The following TRAP1 variants were observed in gnomAD, a reference collection of about 807,000 sequenced individuals.
The protein encoded by TRAP1 is TNF receptor associated protein 1.
In TRAP1, 102 loss-of-function variants were observed where a neutral mutation model predicts 89.1. That is an observed-to-expected ratio of 1.15 (90% CI 0.98 to 1.35). The LOEUF (loss-of-function observed/expected upper bound fraction) is 1.35, where lower values mean the gene tolerates loss of function less well. Ranked by LOEUF, TRAP1 falls within the 40% of genes most tolerant of loss-of-function variation. The pLI is 0.00. For synonymous variants in TRAP1, 508 were observed against 388.0 expected (o/e 1.31, Z -3.64); for missense variants, 1,256 against 945.3 (o/e 1.33, Z -4.31).
intron 1 of TRAP1, among the ~76,000 whole-genome samples, chr16:3,695,535 C>T (rs188863183): frequency 4.0e-5 from 4 of 99,502 alleles, no homozygotes; most frequent in Admixed American, 1.3e-4. Context: ...GACTCTGTCT[C>T]GAAAAAAAAA....
intron 1 of TRAP1, among the ~76,000 whole-genome samples, chr16:3,698,766 G>A (rs759602915): frequency 4.6e-5 from 7 of 152,022 alleles, no homozygotes; most frequent in African/African-American, 7.2e-5. Context: ...AGGTGTGGTG[G>A]TGCATGCCTG....
Position 3,671,802 on chromosome 16 carries a change from C to G in TRAP1, c.1166-11G>C, listed in dbSNP as rs201886607. On this transcript the variant is annotated splice_polypyrimidine_tract_variant and intron_variant, in intron 10 of 17. Transcript: ENST00000246957. ...CACTGTCCACCACACCTGGGAGACA[C>G]GGCAGTCAGCTTCTCCCGGGGCTGC... is the stretch of plus-strand genomic sequence containing the variant. The G allele has an allele frequency of 2.5e-4, 394 of 1,600,376 alleles. 2 individuals carry two copies. The highest frequency in any genetic ancestry group is 9.9e-4 in the Middle Eastern group (6 of 6,076).
intron 11 of TRAP1, among the ~76,000 whole-genome samples, chr16:3,670,411 A>AAAAAAAAAAC (rs2050897453): frequency 6.9e-6 from 1 of 144,328 alleles, no homozygotes; most frequent in African/African-American, 2.6e-5. Context: ...AAAAAAAAAA[A>AAAAAAAAAAC]TCTAAGTGGC....
chr16:3,709,095 G>A (rs1367112600), intron 1 of TRAP1, among the ~76,000 whole-genome samples: 3 of 151,576 alleles, frequency 2.0e-5, no homozygotes, highest in Admixed American at 6.6e-5. Context: ...GATTACAGGC[G>A]TGAGCCACCG....
At chr16:3,661,684 A>AAAAC in intron 16 of TRAP1, 4 of 332,068 alleles carry the variant, frequency 1.2e-5, no homozygotes, top group Non-Finnish European at 1.1e-5. Context: ...TACAAAGCTC[A>AAAAC]AAACAGGCAA....
chr16:3,704,845 T>C (rs2151280619), intron 1 of TRAP1, among the ~76,000 whole-genome samples: 1 of 151,380 alleles, frequency 6.6e-6, no homozygotes, highest in East Asian at 1.9e-4. Flanking sequence ...AAGACCAACC[T>C]CTTATTTTTT....
intron 9 of TRAP1, among the ~76,000 whole-genome samples, chr16:3,673,472 C>A (rs949463877): frequency 5.3e-5 from 8 of 152,236 alleles, no homozygotes; most frequent in Non-Finnish European, 1.2e-4. Context: ...CACACCTCAT[C>A]ACGGGATCTG....
At chr16:3,714,166 G>C (rs781363792) in intron 1 of TRAP1, among the ~76,000 whole-genome samples, 1 of 152,168 alleles carries the variant, frequency 6.6e-6, no homozygotes, top group Non-Finnish European at 1.5e-5. Flanking sequence ...AGCAGCTCTT[G>C]TTTCTCTAAT....
At chr16:3,716,226 A>G (rs951498779) in intron 1 of TRAP1, among the ~76,000 whole-genome samples, 1 of 152,236 alleles carries the variant, frequency 6.6e-6, no homozygotes, top group African/African-American at 2.4e-5. Flanking sequence ...CCTTTGGAAT[A>G]GGCAGTCTTG....
rs141445603 is a variant in TRAP1 at position 3,700,552 on chromosome 16, C to T, written c.89-9567G>A. Among the ~76,000 whole-genome samples, 458 of 152,148 alleles carry T rather than the reference C, an allele frequency of 3.0e-3. 4 individuals are homozygous for T. Among genetic ancestry groups the T allele is most frequent in the Non-Finnish European group, 5.0e-3 (343 of 68,002 alleles). ...CACAATCTCGGCTCACTGCAAACTC[C>T]GCCTCCCAGTTCAAGCCATTCTCGG... On this transcript the variant is annotated intron_variant, in intron 1 of 17. Coordinates refer to ENST00000246957, the MANE Select transcript of TRAP1 (RefSeq NM_016292.3).
At chr16:3,709,793 G>A (rs139967131) in intron 1 of TRAP1, among the ~76,000 whole-genome samples, 1,991 of 152,258 alleles carry the variant, frequency 0.013, 40 homozygotes, top group African/African-American at 0.046. Flanking sequence ...TGGGATTACA[G>A]GCATGCGCCA....
chr16:3,687,257 T>G (rs2051150229), intron 3 of TRAP1: 2 of 142,660 alleles, frequency 1.4e-5, no homozygotes, highest in South Asian at 4.2e-4. Context: ...TCTTGCTCAT[T>G]CTCTCTTTGC....
chr16:3,695,196 T>G (rs116005864), intron 1 of TRAP1, among the ~76,000 whole-genome samples: 310 of 152,244 alleles, frequency 2.0e-3, no homozygotes, highest in African/African-American at 7.2e-3. Context: ...TACTGAGAGC[T>G]GGGACTTCAA....
At chr16:3,688,173 T>G (rs1005372345) in intron 3 of TRAP1, among the ~76,000 whole-genome samples, 7 of 144,248 alleles carry the variant, frequency 4.9e-5, no homozygotes, top group African/African-American at 2.0e-4. Context: ...TTTTGCGGGG[T>G]TTTTTTTAAT....
intron 1 of TRAP1, among the ~76,000 whole-genome samples, chr16:3,705,877 G>A (rs1596751904): frequency 6.6e-6 from 1 of 151,538 alleles, no homozygotes; most frequent in East Asian, 1.9e-4. Flanking sequence ...TTTTTTAGTA[G>A]AGACGGGGTT....
At chr16:3,669,171 C>G (rs566119989) in intron 11 of TRAP1, among the ~76,000 whole-genome samples, 1 of 152,350 alleles carries the variant, frequency 6.6e-6, no homozygotes, top group East Asian at 1.9e-4. Flanking sequence ...CCCAAGCCCT[C>G]TCTTCACTGA....
At chr16:3,671,512 G>A (rs2050912279) in intron 11 of TRAP1, among the ~76,000 whole-genome samples, 1 of 151,996 alleles carries the variant, frequency 6.6e-6, no homozygotes, top group Non-Finnish European at 1.5e-5. Context: ...CCTCAGCCAT[G>A]ACCAGCCACC....
At chr16:3,701,254 T>G (rs2151277787) in intron 1 of TRAP1, among the ~76,000 whole-genome samples, 1 of 152,212 alleles carries the variant, frequency 6.6e-6, no homozygotes. Flanking sequence ...GAAAATGTAA[T>G]CACAAGTGTG....
intron 1 of TRAP1, among the ~76,000 whole-genome samples, chr16:3,709,822 G>C (rs1376000099): frequency 1.3e-5 from 2 of 152,088 alleles, no homozygotes; most frequent in Non-Finnish European, 2.9e-5. Flanking sequence ...GGCTAGTTTT[G>C]TATTTTTCGT....
Sources: allele counts gnomAD v4.1 joint callset (sites outside exome capture counted in the v4.1 genomes callset), GRCh38; gene constraint gnomAD v4.1.1; transcripts MANE v1.5; gene names NCBI Gene and HGNC (gene_info 2026-07-23, HGNC 2026-07-21).